HEPHL1: variants seen among roughly 807,000 people sequenced by gnomAD.
The protein encoded by HEPHL1 is hephaestin like 1, also known as ferroxidase HEPHL1.
HEPHL1 carries 123 observed loss-of-function variants against 122.0 expected under a neutral mutation model. The observed-to-expected ratio is 1.01, with a 90% CI of 0.87 to 1.17. HEPHL1 has a LOEUF of 1.17. HEPHL1 is among the 50% of genes most tolerant of loss of function. The probability of loss-of-function intolerance (pLI) is 0.00; values close to 1 mark genes in which losing one functional copy is unlikely to be tolerated. For missense variants in HEPHL1, 1,452 were observed against 1,430.5 expected (o/e 1.01, Z -0.24); for synonymous variants, 527 against 508.9 (o/e 1.04, Z -0.48).
At chr11:94,028,055 T>C (rs1489028101) in intron 1 of HEPHL1, among the ~76,000 whole-genome samples, 1 of 152,202 alleles carries the variant, frequency 6.6e-6, no homozygotes, top group Admixed American at 6.5e-5. Flanking sequence ...TGATCTCACA[T>C]GTTGGATCTG....
At chr11:94,107,121 G>A (rs905789437) in intron 17 of HEPHL1, among the ~76,000 whole-genome samples, 2 of 152,202 alleles carry the variant, frequency 1.3e-5, no homozygotes, top group Non-Finnish European at 2.9e-5. Flanking sequence ...AAGTGGAATA[G>A]AAAAGAACAA....
At position 94,021,404 on chromosome 11, in the gene HEPHL1, C is replaced by T; in HGVS notation, c.36C>T (p.Leu12=). 2 of 1,613,368 alleles carry T rather than the reference C, an allele frequency of 1.2e-6. No individual in the cohort carries two copies. The highest frequency in any genetic ancestry group is 1.7e-6 in the Non-Finnish European group (2 of 1,179,654). Residue 12 remains leucine (L), a synonymous_variant, in exon 1 of 20, where the codon CTC becomes CTT. Coordinates refer to ENST00000315765, the MANE Select transcript of HEPHL1 (RefSeq NM_001098672.2). ...PRKQPAGCIF[L]LTFLGLSGLV... ...AGCAGCCAGCTGGCTGCATCTTTCTCCTCACATTCCTGGGTCTGTCTGGGC... is the reference window on the plus strand; with the variant it reads ...AGCAGCCAGCTGGCTGCATCTTTCTTCTCACATTCCTGGGTCTGTCTGGGC...
intron 12 of HEPHL1, among the ~76,000 whole-genome samples, chr11:94,089,737 T>C (rs947767403): frequency 1.3e-5 from 2 of 152,192 alleles, no homozygotes; most frequent in African/African-American, 4.8e-5. Flanking sequence ...AGCAACCCAC[T>C]GCCTGGTATT....
intron 1 of HEPHL1, among the ~76,000 whole-genome samples, chr11:94,034,102 T>C (rs757471757): frequency 2.6e-5 from 4 of 152,158 alleles, no homozygotes; most frequent in Non-Finnish European, 5.9e-5. Flanking sequence ...ACCTGGGAGT[T>C]GGGGCAAAGA....
chr11:94,042,413 G>C (rs1366462476), intron 1 of HEPHL1, among the ~76,000 whole-genome samples: 2 of 141,930 alleles, frequency 1.4e-5, no homozygotes, highest in Non-Finnish European at 3.0e-5. Flanking sequence ...CTGCTATAAA[G>C]ACACATGCAC....
At chr11:94,092,871 A>G (rs1269025163) in intron 12 of HEPHL1, among the ~76,000 whole-genome samples, 1 of 152,210 alleles carries the variant, frequency 6.6e-6, no homozygotes, top group Non-Finnish European at 1.5e-5. Flanking sequence ...TATTTTCCCT[A>G]GGAACAATGG....
At chr11:94,072,024 T>C (rs7949551) in intron 6 of HEPHL1, among the ~76,000 whole-genome samples, 33,033 of 152,006 alleles carry the variant, frequency 0.22, 4,510 homozygotes, top group African/African-American at 0.38. Context: ...ATTATTTGAT[T>C]GGCAATTGGA....
intron 13 of HEPHL1, among the ~76,000 whole-genome samples, chr11:94,098,781 A>C (rs560349771): frequency 6.6e-6 from 1 of 152,226 alleles, no homozygotes; most frequent in Non-Finnish European, 1.5e-5. Context: ...AATCACTGAT[A>C]CCCTTTCTTC....
At chr11:94,073,281 T>C in intron 7 of HEPHL1, 27 bp from the exon 8 acceptor site, 1 of 1,608,610 alleles carries the variant, frequency 6.2e-7, no homozygotes, top group South Asian at 1.1e-5. Flanking sequence ...CATTCTCTTC[T>C]CTCTCTTCTT....
chr11:94,060,159 G>C (rs1945975276), intron 2 of HEPHL1, among the ~76,000 whole-genome samples: 2 of 127,762 alleles, frequency 1.6e-5, no homozygotes, highest in African/African-American at 3.1e-5. Context: ...TACACGCACT[G>C]GGGTAGATCT....
intron 1 of HEPHL1, among the ~76,000 whole-genome samples, chr11:94,021,789 G>A (rs535591214): frequency 9.8e-5 from 15 of 152,304 alleles, no homozygotes; most frequent in African/African-American, 3.6e-4. Context: ...ACACAACCAG[G>A]TGTTTGACAA....
chr11:94,045,472 C>T (rs1945825660), intron 1 of HEPHL1, among the ~76,000 whole-genome samples: 1 of 152,130 alleles, frequency 6.6e-6, no homozygotes, highest in Non-Finnish European at 1.5e-5. Context: ...CTGCTTGTGC[C>T]CTTTGGCTTG....
intron 5 of HEPHL1, among the ~76,000 whole-genome samples, chr11:94,068,133 C>A (rs965802987): frequency 5.3e-5 from 8 of 152,146 alleles, no homozygotes; most frequent in African/African-American, 1.9e-4. Context: ...TGGCTCCTAA[C>A]ATGAGCCTTG....
Position 94,064,348 on chromosome 11 carries a change from T to C in HEPHL1, c.646T>C (p.Ser216Pro), listed in dbSNP as rs1946015383. The C allele has an allele frequency of 1.9e-6, 3 of 1,612,698 alleles. No individual in the cohort carries two copies. The highest frequency in any genetic ancestry group is 2.5e-6 in the Non-Finnish European group (3 of 1,179,054). ...VCKEGILNRYSGTRNDVDREF... is the reference protein window; with the variant it reads ...VCKEGILNRYPGTRNDVDREF... Reference sequence around the variant, plus strand: ...CCTGACAGGTATCCTGAATAGATATTCAGGGACACGGAATGATGTGGATCG... The same window carrying C: ...CCTGACAGGTATCCTGAATAGATATCCAGGGACACGGAATGATGTGGATCG... Residue 216 changes from serine (S) to proline (P), a missense_variant, in exon 4 of 20, where the codon TCA becomes CCA. By Grantham distance (74) the Ser-to-Pro change is moderately conservative. Transcript: ENST00000315765.
intron 1 of HEPHL1, among the ~76,000 whole-genome samples, chr11:94,029,919 T>A (rs1363203656): frequency 6.6e-6 from 1 of 152,052 alleles, no homozygotes; most frequent in Non-Finnish European, 1.5e-5. Context: ...TGGAGAAAGG[T>A]CTTGGGCAGA....
intron 10 of HEPHL1, among the ~76,000 whole-genome samples, chr11:94,082,922 C>T (rs905641730): frequency 2.6e-5 from 4 of 152,064 alleles, no homozygotes; most frequent in Admixed American, 6.5e-5. Flanking sequence ...AACCCCGTCT[C>T]TACTAAAAAT....
At chr11:94,093,780 T>G in intron 13 of HEPHL1, 140 bp downstream of exon 13, 1 of 956,248 alleles carries the variant, frequency 1.0e-6, no homozygotes, top group African/African-American at 1.7e-5. Context: ...GTGTAATATC[T>G]TCCTGCTCTA....
rs527446180 is a variant in HEPHL1 at position 94,086,003 on chromosome 11, C to T, written c.1894C>T (p.Gln632Ter). ...TGTTAACGGCTACATGTATGGCAACCAGCCAGGCTTAAACATGTGTAAAAG... is the reference window on the plus strand; with the variant it reads ...TGTTAACGGCTACATGTATGGCAACTAGCCAGGCTTAAACATGTGTAAAAG... ...HAVNGYMYGN[Q>*]PGLNMCKRDR... The change falls in exon 11 of 20, where the codon CAG (glutamine) becomes TAG (stop). Residue 632 changes from glutamine (Q) to a stop codon, truncating the protein, a stop_gained. Coordinates refer to ENST00000315765, the MANE Select transcript of HEPHL1 (RefSeq NM_001098672.2). LOFTEE classifies it high-confidence loss of function. The T allele has an allele frequency of 6.2e-7, 1 of 1,613,878 alleles. No homozygotes were observed.
At chr11:94,042,375 G>A (rs1201836578) in intron 1 of HEPHL1, among the ~76,000 whole-genome samples, 1 of 141,746 alleles carries the variant, frequency 7.1e-6, no homozygotes, top group East Asian at 2.1e-4. Flanking sequence ...CCATTACTGG[G>A]TATATACCCA....
Sources: allele counts gnomAD v4.1 joint callset (sites outside exome capture counted in the v4.1 genomes callset), GRCh38; gene constraint gnomAD v4.1.1; transcripts MANE v1.5; gene names NCBI Gene and HGNC (gene_info 2026-07-23, HGNC 2026-07-21).